MAF: variants seen among roughly 807,000 people sequenced by gnomAD.
MAF encodes the protein transcription factor Maf.
A neutral mutation model predicts 22.0 loss-of-function variants in MAF; 10 were observed. The ratio of observed to expected loss-of-function variants is 0.45; its 90% confidence interval spans 0.28 to 0.77. The LOEUF is 0.77. MAF is among the 30% of genes least tolerant of loss of function. The probability of loss-of-function intolerance (pLI) is 0.12; values close to 1 mark genes in which losing one functional copy is unlikely to be tolerated. For synonymous variants in MAF, 337 were observed against 255.8 expected, an observed-to-expected ratio of 1.32 and a Z score of -3.03; for missense variants, 544 against 548.4, an observed-to-expected ratio of 0.99 and a Z score of 0.08.
chr16:79,447,080 T>A, the MAF span, among the ~76,000 whole-genome samples: 121,183 of 151,692 alleles, frequency 0.8, 49,096 homozygotes, highest in East Asian at 0.97. Context: ...ATGAGCAAAA[T>A]TATTTCATGG....
chr16:79,568,903 G>A, the MAF span, among the ~76,000 whole-genome samples: 7 of 152,184 alleles, frequency 4.6e-5, no homozygotes, highest in African/African-American at 1.7e-4. Flanking sequence ...GCATTCTTCA[G>A]AACACTGAGT....
the MAF span, among the ~76,000 whole-genome samples, chr16:79,571,416 A>G: frequency 6.6e-6 from 1 of 151,992 alleles, no homozygotes; most frequent in Non-Finnish European, 1.5e-5. Flanking sequence ...CCCTAAATTT[A>G]TGGAGGTGGT....
chr16:79,403,401 T>C, the MAF span, among the ~76,000 whole-genome samples: 1 of 152,178 alleles, frequency 6.6e-6, no homozygotes, highest in Non-Finnish European at 1.5e-5. Flanking sequence ...CCAGAGTGCT[T>C]GAGACAGCCT....
At chr16:79,475,538 A>ATTTG in the MAF span, among the ~76,000 whole-genome samples, 1 of 152,028 alleles carries the variant, frequency 6.6e-6, no homozygotes, top group African/African-American at 2.4e-5. Context: ...CTATCTATCC[A>ATTTG]TCTGTCTGTC....
At chr16:79,547,934 G>A in the MAF span, among the ~76,000 whole-genome samples, 2 of 151,034 alleles carry the variant, frequency 1.3e-5, no homozygotes, top group East Asian at 1.9e-4. Flanking sequence ...GAGAGAGAGA[G>A]AGAGAGAGAA....
chr16:79,236,063 T>TAGTC, the MAF span, among the ~76,000 whole-genome samples: 84 of 152,220 alleles, frequency 5.5e-4, no homozygotes, highest in Non-Finnish European at 6.5e-4. Flanking sequence ...GACACTCCCA[T>TAGTC]AGTCCATGCT....
rs1325923327 is a variant in MAF, at chr16:79,600,026, G to T, written c.-124C>A. ...TGCCGGGCTGGGGCGCTTCTAGCTTGCGCGGCGGTGGCTGGCCCGAAACCT... is the reference window on the plus strand; with the variant it reads ...TGCCGGGCTGGGGCGCTTCTAGCTTTCGCGGCGGTGGCTGGCCCGAAACCT... On this transcript the variant is annotated 5_prime_UTR_variant, in exon 1 of 2. Transcript: ENST00000326043. The T allele has an allele frequency of 1.4e-6, 2 of 1,385,740 alleles. No homozygotes were observed. The highest frequency in any genetic ancestry group is 2.0e-6 in the Non-Finnish European group (2 of 1,015,096). 85.8% of individuals were successfully genotyped at this position (1,385,740 alleles called of 1,614,324 possible).
the MAF span, among the ~76,000 whole-genome samples, chr16:79,437,133 GCT>G: frequency 0.052 from 5,131 of 97,958 alleles, 103 homozygotes; most frequent in African/African-American, 0.067. Context: ...ATGGGAGAAA[GCT>G]CTCTCTCTCT....
At chr16:79,256,028 C>T in the MAF span, among the ~76,000 whole-genome samples, 1 of 133,438 alleles carries the variant, frequency 7.5e-6, no homozygotes, top group Non-Finnish European at 1.5e-5. Flanking sequence ...TATTGCCAGG[C>T]TGGAGTGCTG....
At chr16:79,425,307 T>G in the MAF span, among the ~76,000 whole-genome samples, 6 of 152,186 alleles carry the variant, frequency 3.9e-5, no homozygotes, top group Non-Finnish European at 8.8e-5. Flanking sequence ...TTTTTTTTAT[T>G]TTTAAAATGA....
At chr16:79,256,819 G>T in the MAF span, among the ~76,000 whole-genome samples, 1 of 152,084 alleles carries the variant, frequency 6.6e-6, no homozygotes, top group African/African-American at 2.4e-5. Flanking sequence ...TGGTGCTCAC[G>T]TGAGTCTAGG....
At chr16:79,306,268 C>T in the MAF span, among the ~76,000 whole-genome samples, 1 of 152,186 alleles carries the variant, frequency 6.6e-6, no homozygotes, top group East Asian at 1.9e-4. Flanking sequence ...ATGCACATGG[C>T]CATTTTCCCA....
At chr16:79,281,223 T>TG in the MAF span, among the ~76,000 whole-genome samples, 1 of 34,464 alleles carries the variant, frequency 2.9e-5, no homozygotes, top group African/African-American at 1.2e-4. Context: ...AGTTTCAATA[T>TG]GAAAAAAAAA....
the MAF span, among the ~76,000 whole-genome samples, chr16:79,214,737 G>T: frequency 2.3e-5 from 2 of 85,316 alleles, 1 homozygote; most frequent in Non-Finnish European, 4.2e-5. Context: ...TTTTGAGACA[G>T]AATCTCACTC....
the MAF span, among the ~76,000 whole-genome samples, chr16:79,482,478 A>G: frequency 3.3e-5 from 5 of 152,164 alleles, no homozygotes; most frequent in African/African-American, 9.7e-5. Flanking sequence ...GATGCTATCA[A>G]TTGATTAAAA....
At chr16:79,463,781 T>C in the MAF span, among the ~76,000 whole-genome samples, 1 of 152,118 alleles carries the variant, frequency 6.6e-6, no homozygotes, top group African/African-American at 2.4e-5. Flanking sequence ...AAAACATGCA[T>C]CGACTTTTTT....
the MAF span, among the ~76,000 whole-genome samples, chr16:79,464,657 T>A: frequency 6.6e-6 from 1 of 152,144 alleles, no homozygotes; most frequent in African/African-American, 2.4e-5. Flanking sequence ...ACCTGGCAAA[T>A]GACATAACTG....
chr16:79,451,979 G>A, the MAF span, among the ~76,000 whole-genome samples: 1 of 134,460 alleles, frequency 7.4e-6, no homozygotes, highest in Non-Finnish European at 1.6e-5. Flanking sequence ...ATCGTATTCT[G>A]CAGGAGTCCG....
chr16:79,534,713 G>A, the MAF span, among the ~76,000 whole-genome samples: 1,489 of 152,158 alleles, frequency 9.8e-3, 20 homozygotes, highest in Middle Eastern at 0.031. Context: ...TTGTGCACAT[G>A]TACCCTAGAA....
Sources: allele counts gnomAD v4.1 joint callset (sites outside exome capture counted in the v4.1 genomes callset), GRCh38; gene constraint gnomAD v4.1.1; transcripts MANE v1.5; gene names NCBI Gene and HGNC (gene_info 2026-07-23, HGNC 2026-07-21).